Variants in DCDC1 observed in about 807,000 individuals in gnomAD.
The protein encoded by DCDC1 is doublecortin domain-containing protein 1.
DCDC1 carries 200 observed loss-of-function variants against 178.3 expected under a neutral mutation model. The ratio of observed to expected loss-of-function variants is 1.12; its 90% CI spans 1.00 to 1.26. The LOEUF (loss-of-function observed/expected upper bound fraction) is 1.26. Among genes scored for constraint, DCDC1 ranks in the 50% most tolerant of loss-of-function variants. The pLI, the probability that DCDC1 is intolerant of heterozygous loss-of-function variation, is 0.00. For missense variants in DCDC1, 1,983 were observed against 1,749.2 expected (o/e 1.13, Z -2.38); for synonymous variants, 690 against 604.8 (o/e 1.14, Z -2.07).
rs1039438720 is a variant in DCDC1, at chr11:31,214,690, C to T, written c.1221+26760G>A. Reference sequence around the variant, plus strand: ...AATGTCATTTGTAGAGACAATATACCTTAAATTGGTCTTTAGAAATTACAG... The same window carrying T: ...AATGTCATTTGTAGAGACAATATACTTTAAATTGGTCTTTAGAAATTACAG... On this transcript the variant is annotated intron_variant, in intron 9 of 38. Coordinates refer to ENST00000684477, the MANE Select transcript of DCDC1 (RefSeq NM_001387274.1). Among the ~76,000 whole-genome samples, 4 of 152,172 alleles carry T rather than the reference C, an allele frequency of 2.6e-5. No individual in the cohort carries two copies. The East Asian group carries it at 7.7e-4, about 29-fold the overall frequency.
intron 8 of DCDC1, among the ~76,000 whole-genome samples, chr11:31,259,076 C>T (rs1944604390): frequency 6.6e-6 from 1 of 152,116 alleles, no homozygotes; most frequent in Admixed American, 6.5e-5. Context: ...TCCCTAAGAG[C>T]GCGGTGGCTC....
At chr11:31,211,297 T>C (rs1289369356) in intron 9 of DCDC1, among the ~76,000 whole-genome samples, 2 of 152,236 alleles carry the variant, frequency 1.3e-5, no homozygotes, top group Non-Finnish European at 2.9e-5. Flanking sequence ...CTGGCTATAC[T>C]AGGATACACT....
At chr11:30,875,428 C>A (rs1389085985) in intron 38 of DCDC1, among the ~76,000 whole-genome samples, 2 of 152,120 alleles carry the variant, frequency 1.3e-5, no homozygotes, top group East Asian at 3.9e-4. Flanking sequence ...TTTCCCATAA[C>A]TGGGGACATT....
intron 7 of DCDC1, among the ~76,000 whole-genome samples, chr11:31,275,169 A>T (rs1364632659): frequency 6.6e-6 from 1 of 152,200 alleles, no homozygotes; most frequent in Non-Finnish European, 1.5e-5. Flanking sequence ...ATTTAAACTC[A>T]TTTTAGTATA....
intron 11 of DCDC1, among the ~76,000 whole-genome samples, chr11:31,114,717 A>T (rs1434431845): frequency 6.6e-6 from 1 of 152,102 alleles, no homozygotes; most frequent in Middle Eastern, 3.2e-3. Flanking sequence ...GTAAATAAGA[A>T]ATCAGAGAGG....
chr11:31,000,367 A>G lies in DCDC1; in HGVS notation c.2592-47799T>C, dbSNP rs562178955. Among the ~76,000 whole-genome samples the G allele has an allele frequency of 1.2e-4, 19 of 152,266 alleles. 1 individual carries two copies. Among genetic ancestry groups the G allele is most frequent in the East Asian group, 3.9e-4 (2 of 5,180 alleles). On this transcript the variant is annotated intron_variant, in intron 20 of 38. Coordinates refer to ENST00000684477, the MANE Select transcript of DCDC1 (RefSeq NM_001387274.1). ...ATCAGGGCTGCTATGACTCCACAAT[A>G]CGGTCTTAGAGGAGGAGGATTCTTT... is the stretch of plus-strand genomic sequence containing the variant.
chr11:30,888,106 GAAAGAAAGAAA>G (rs1943412246), intron 36 of DCDC1, among the ~76,000 whole-genome samples: 1 of 84,874 alleles, frequency 1.2e-5, no homozygotes, highest in Admixed American at 1.4e-4. Context: ...GAAAAAGAAA[GAAAGAAAGAAA>G]GAAAGAAAGA....
At chr11:31,344,956 C>T (rs1381097484) in intron 1 of DCDC1, among the ~76,000 whole-genome samples, 1 of 152,144 alleles carries the variant, frequency 6.6e-6, no homozygotes, top group Non-Finnish European at 1.5e-5. Flanking sequence ...TTCCTTTAAT[C>T]AAGAAATTAT....
chr11:31,182,430 T>G (rs1968931297), intron 9 of DCDC1, among the ~76,000 whole-genome samples: 1 of 152,170 alleles, frequency 6.6e-6, no homozygotes, highest in Non-Finnish European at 1.5e-5. Flanking sequence ...TATTCAACAT[T>G]CTAAAAGGAA....
At chr11:31,236,953 G>C (rs536201742) in intron 9 of DCDC1, among the ~76,000 whole-genome samples, 6 of 151,972 alleles carry the variant, frequency 3.9e-5, no homozygotes, top group African/African-American at 1.4e-4. Context: ...CAATGATGTA[G>C]AACCAATAAA....
chr11:31,330,448 T>C (rs1399412834), intron 2 of DCDC1, among the ~76,000 whole-genome samples: 7 of 152,220 alleles, frequency 4.6e-5, no homozygotes, highest in Non-Finnish European at 1.0e-4. Flanking sequence ...TTGCTTTTGG[T>C]GTTTTAGTCA....
chr11:31,353,755 A>G (rs761781119), intron 1 of DCDC1, among the ~76,000 whole-genome samples: 1 of 152,206 alleles, frequency 6.6e-6, no homozygotes, highest in Non-Finnish European at 1.5e-5. Flanking sequence ...TGAACAGAAT[A>G]AGCACAGTGA....
Position 31,179,060 on chromosome 11 carries a change from C to A in DCDC1, c.1222-41276G>T, listed in dbSNP as rs778846408. 2.1e-4 allele frequency among the ~76,000 whole-genome samples: 32 copies of A among 152,122 alleles called. No homozygotes were observed. In the Middle Eastern group the frequency reaches 0.01, roughly 49 times the overall value. On this transcript the variant is annotated intron_variant, in intron 9 of 38. Coordinates refer to ENST00000684477, the MANE Select transcript of DCDC1 (RefSeq NM_001387274.1). Reference sequence around the variant, plus strand: ...CAAAAGAGAATATAAAAACGGCTGACAGGTATATGAAAAAAAATGCTCAAC... The same window carrying A: ...CAAAAGAGAATATAAAAACGGCTGAAAGGTATATGAAAAAAAATGCTCAAC...
chr11:31,331,072 T>C (rs1462200877), intron 2 of DCDC1, among the ~76,000 whole-genome samples: 1 of 152,186 alleles, frequency 6.6e-6, no homozygotes, highest in Non-Finnish European at 1.5e-5. Context: ...CTTTGAACGG[T>C]GGTTTGTAGT....
intron 7 of DCDC1, among the ~76,000 whole-genome samples, chr11:31,287,810 A>G (rs932292616): frequency 6.6e-6 from 1 of 151,918 alleles, no homozygotes; most frequent in Admixed American, 6.6e-5. Context: ...CCAACAAAGG[A>G]GAGAGAGAAC....
chr11:31,357,696 C>T (rs1951460315), intron 1 of DCDC1, among the ~76,000 whole-genome samples: 1 of 152,070 alleles, frequency 6.6e-6, no homozygotes, highest in South Asian at 2.1e-4. Flanking sequence ...ACCCCATTGT[C>T]TCAGCCCAAA....
intron 6 of DCDC1, among the ~76,000 whole-genome samples, chr11:31,293,313 C>G (rs186098909): frequency 1.1e-3 from 161 of 152,150 alleles, no homozygotes; most frequent in African/African-American, 3.6e-3. Flanking sequence ...ACAGAAAAGG[C>G]TGAGAAGCAA....
At chr11:31,215,863 G>C (rs1446338865) in intron 9 of DCDC1, among the ~76,000 whole-genome samples, 1 of 151,892 alleles carries the variant, frequency 6.6e-6, no homozygotes, top group Non-Finnish European at 1.5e-5. Context: ...AGAAGCTCTT[G>C]AGTGGCCTTT....
intron 29 of DCDC1, 45 bp from the exon 30 acceptor site, chr11:30,906,770 TGTTATAGCATTGCTGTA>T: frequency 1.3e-6 from 2 of 1,533,294 alleles, no homozygotes; most frequent in Non-Finnish European, 1.8e-6. Flanking sequence ...GCATCTAAAT[TGTTATAGCATTGCTGTA>T]GAACATTTTA....
Sources: gnomAD v4.1 joint callset for allele counts (sites outside exome capture counted in the v4.1 genomes callset) on GRCh38, gnomAD v4.1.1 for gene constraint, MANE v1.5 for transcripts, NCBI Gene and HGNC (gene_info 2026-07-23, HGNC 2026-07-21) for gene names.